Variants in LRP1B observed in about 807,000 individuals in gnomAD.
The protein encoded by LRP1B is LDL receptor related protein 1B.
A neutral mutation model predicts 556.6 loss-of-function variants in LRP1B; 217 were observed. The ratio of observed to expected loss-of-function variants is 0.39; its 90% confidence interval spans 0.35 to 0.44. The LOEUF (loss-of-function observed/expected upper bound fraction) is 0.44. LRP1B is among the 20% of genes least tolerant of loss of function. The pLI is 1.00. For missense variants in LRP1B, 5,053 were observed against 5,620.8 expected (o/e 0.90, Z 3.23); for synonymous variants, 2,047 against 1,865.8 (o/e 1.10, Z -2.50).
intron 35 of LRP1B, among the ~76,000 whole-genome samples, chr2:140,738,712 C>T (rs1688032689): frequency 6.6e-6 from 1 of 152,098 alleles, no homozygotes; most frequent in Non-Finnish European, 1.5e-5. Flanking sequence ...CACAGTCCAT[C>T]AGATCTCCTA....
chr2:141,519,203 C>T (rs1323353705), intron 2 of LRP1B, among the ~76,000 whole-genome samples: 1 of 151,520 alleles, frequency 6.6e-6, no homozygotes, highest in African/African-American at 2.4e-5. Flanking sequence ...TTAAATAAGC[C>T]AGTCAGCCAA....
chr2:140,477,634 G>A (rs1688029268), intron 59 of LRP1B, among the ~76,000 whole-genome samples: 1 of 151,936 alleles, frequency 6.6e-6, no homozygotes, highest in African/African-American at 2.4e-5. Context: ...AATTTCAAGT[G>A]GTCTAACTTC....
intron 41 of LRP1B, among the ~76,000 whole-genome samples, chr2:140,651,178 G>A (rs996974545): frequency 6.6e-6 from 1 of 152,020 alleles, no homozygotes; most frequent in Non-Finnish European, 1.5e-5. Flanking sequence ...ATAAGAACGG[G>A]CAGAGAAGTT....
chr2:140,997,449 T>A (rs543340305), intron 15 of LRP1B, among the ~76,000 whole-genome samples: 1 of 151,928 alleles, frequency 6.6e-6, no homozygotes, highest in South Asian at 2.1e-4. Context: ...ACTCAAGACA[T>A]ATTCCTGACC....
At chr2:141,163,648 A>G (rs1680127822) in intron 7 of LRP1B, among the ~76,000 whole-genome samples, 1 of 152,014 alleles carries the variant, frequency 6.6e-6, no homozygotes, top group African/African-American at 2.4e-5. Context: ...GGTAGTGAAT[A>G]TATCTCATGA....
In LRP1B at chr2:140,716,077, A is replaced by G; in HGVS notation, c.5919T>C (p.Gly1973=). The change falls in exon 37 of 91, where the codon GGT becomes GGC. Residue 1973 remains glycine, a synonymous_variant. Coordinates refer to ENST00000389484, the MANE Select transcript of LRP1B (RefSeq NM_018557.3). ...IAGNIYWTDH[G]FNLIEVARLN... is the part of the protein sequence containing the mutation. Reference sequence around the variant, plus strand: ...GTCTTGCAACTTCAATTAAGTTGAAACCATGATCTGTCCAATATATGTTAC... The same window carrying G: ...GTCTTGCAACTTCAATTAAGTTGAAGCCATGATCTGTCCAATATATGTTAC... 1.2e-6 allele frequency: 2 copies of G among 1,606,368 alleles called. No individual in the cohort carries two copies. Among genetic ancestry groups the G allele is most frequent in the Non-Finnish European group, 1.7e-6 (2 of 1,173,848 alleles).
At chr2:141,283,664 C>T (rs187906442) in intron 3 of LRP1B, among the ~76,000 whole-genome samples, 13 of 137,142 alleles carry the variant, frequency 9.5e-5, no homozygotes, top group East Asian at 4.3e-4. Context: ...GGCGCGGTCT[C>T]GGCTCACTGC....
intron 2 of LRP1B, among the ~76,000 whole-genome samples, chr2:141,633,946 G>A (rs975445787): frequency 4.0e-5 from 6 of 151,890 alleles, no homozygotes; most frequent in Non-Finnish European, 8.8e-5. Context: ...AAGAATTTAA[G>A]CCCTTTGATC....
At chr2:140,588,191 C>A (rs1682064642) in intron 43 of LRP1B, among the ~76,000 whole-genome samples, 1 of 152,076 alleles carries the variant, frequency 6.6e-6, no homozygotes, top group African/African-American at 2.4e-5. Context: ...AGTAGGCTTT[C>A]CTTATACTGA....
intron 35 of LRP1B, among the ~76,000 whole-genome samples, chr2:140,751,698 C>T (rs908657497): frequency 2.6e-4 from 40 of 152,282 alleles, no homozygotes; most frequent in African/African-American, 8.7e-4. Flanking sequence ...TTTGATGAGA[C>T]AGCATCTCCC....
chr2:140,350,808 T>C lies in LRP1B; in HGVS notation c.11881A>G (p.Ser3961Gly), dbSNP rs142836164. Residue 3961 changes from serine to glycine, a missense_variant, in exon 77 of 91, where the codon AGT (serine) becomes GGT (glycine). Transcript: ENST00000389484. ...TGGTATTTACTTACAATCAAGCCACTGTTTGCTTGCCTTTTTTCTCTGCCA... is the reference window on the plus strand; with the variant it reads ...TGGTATTTACTTACAATCAAGCCACCGTTTGCTTGCCTTTTTTCTCTGCCA... Reference protein sequence around the residue: ...IHGREKRQANSGLICPEFKRP... With the variant: ...IHGREKRQANGGLICPEFKRP... 4.8e-5 allele frequency: 77 copies of C among 1,610,280 alleles called. No individual in the cohort carries two copies. In the Middle Eastern group the frequency reaches 8.3e-4, roughly 17 times the overall value.
chr2:141,511,442 C>T (rs1327364174), intron 2 of LRP1B, among the ~76,000 whole-genome samples: 3 of 152,034 alleles, frequency 2.0e-5, no homozygotes, highest in Non-Finnish European at 2.9e-5. Context: ...AGCAGCTGTC[C>T]ACTTCAATAT....
chr2:141,178,021 T>C (rs188633355), intron 7 of LRP1B, among the ~76,000 whole-genome samples: 3 of 152,268 alleles, frequency 2.0e-5, no homozygotes, highest in East Asian at 1.9e-4. Flanking sequence ...ACTTTAAATA[T>C]GGTTATTGGT....
chr2:141,462,782 A>G (rs1423513823), intron 3 of LRP1B, among the ~76,000 whole-genome samples: 1 of 151,540 alleles, frequency 6.6e-6, no homozygotes, highest in African/African-American at 2.4e-5. Context: ...TTGTTACTAT[A>G]CTAGTAGTAA....
chr2:140,981,242 T>C (rs1243798554), intron 18 of LRP1B, among the ~76,000 whole-genome samples: 5 of 152,138 alleles, frequency 3.3e-5, no homozygotes, highest in East Asian at 1.9e-4. Context: ...CCAAAACTAT[T>C]GGAATTTTAA....
chr2:140,259,330 A>G (rs1681830055), intron 86 of LRP1B, among the ~76,000 whole-genome samples: 1 of 152,116 alleles, frequency 6.6e-6, no homozygotes, highest in Non-Finnish European at 1.5e-5. Context: ...GAAATAAATC[A>G]AGTTTTTCTA....
intron 18 of LRP1B, among the ~76,000 whole-genome samples, chr2:140,958,893 A>G (rs2105312056): frequency 6.6e-6 from 1 of 151,722 alleles, no homozygotes; most frequent in Admixed American, 6.6e-5. Flanking sequence ...AAAACAGTGA[A>G]CGTATATATG....
At chr2:141,346,501 G>T (rs1453681387) in intron 3 of LRP1B, among the ~76,000 whole-genome samples, 2 of 152,070 alleles carry the variant, frequency 1.3e-5, no homozygotes, top group Non-Finnish European at 2.9e-5. Flanking sequence ...GAACTGAATA[G>T]GGAAACTAAG....
intron 63 of LRP1B, among the ~76,000 whole-genome samples, 180 bp downstream of exon 63, chr2:140,450,388 G>T (rs1276769649): frequency 6.6e-6 from 1 of 152,148 alleles, no homozygotes; most frequent in East Asian, 1.9e-4. Flanking sequence ...AGTTATCAGG[G>T]AGATAACCAA....
Sources: gnomAD v4.1 joint callset for allele counts (sites outside exome capture counted in the v4.1 genomes callset) on GRCh38, gnomAD v4.1.1 for gene constraint, MANE v1.5 for transcripts, NCBI Gene and HGNC (gene_info 2026-07-23, HGNC 2026-07-21) for gene names.